The following RBFOX1 variants were observed in gnomAD, a reference collection of about 807,000 sequenced individuals.
RBFOX1 encodes the protein RNA binding protein fox-1 homolog 1.
In RBFOX1, 8 loss-of-function variants were observed where a neutral mutation model predicts 57.7. The ratio of observed to expected loss-of-function variants is 0.14; its 90% CI spans 0.08 to 0.25. The LOEUF (loss-of-function observed/expected upper bound fraction) is 0.25, where lower values mean the gene tolerates loss of function less well. RBFOX1 is among the 10% of genes least tolerant of loss of function. The pLI, the probability that RBFOX1 is intolerant of heterozygous loss-of-function variation, is 1.00. For missense variants in RBFOX1, 611 were observed against 548.5 expected (o/e 1.11, Z -1.14); for synonymous variants, 326 against 222.4 (o/e 1.47, Z -4.15).
intron 2 of RBFOX1, among the ~76,000 whole-genome samples, chr16:5,589,791 G>A (rs994245511): frequency 1.3e-5 from 2 of 152,170 alleles, no homozygotes; most frequent in Middle Eastern, 3.2e-3. Flanking sequence ...CAGCCACCCA[G>A]ACAGACTCCT....
intron 1 of RBFOX1, among the ~76,000 whole-genome samples, chr16:6,118,027 T>C (rs2096515932): frequency 6.6e-6 from 1 of 152,244 alleles, no homozygotes; most frequent in Admixed American, 6.5e-5. Flanking sequence ...TTTTTTGAGA[T>C]AATTTTGCAC....
At chr16:7,553,472 A>G (rs2152565162) in intron 5 of RBFOX1, among the ~76,000 whole-genome samples, 2 of 152,338 alleles carry the variant, frequency 1.3e-5, no homozygotes, top group Middle Eastern at 6.8e-3. Context: ...AAAGTGGTAT[A>G]CATAGCCTAA....
At chr16:7,574,134 A>C (rs2152798662) in intron 5 of RBFOX1, among the ~76,000 whole-genome samples, 1 of 152,320 alleles carries the variant, frequency 6.6e-6, no homozygotes, top group South Asian at 2.1e-4. Context: ...TACAGGCAGC[A>C]TGTCTGTCCT....
At chr16:6,271,406 G>C (rs892277334) in intron 1 of RBFOX1, among the ~76,000 whole-genome samples, 4 of 151,964 alleles carry the variant, frequency 2.6e-5, no homozygotes, top group Non-Finnish European at 5.9e-5. Context: ...TGGAGCGACA[G>C]AGCAAGACCC....
chr16:6,839,243 C>A (rs868700122), intron 3 of RBFOX1, among the ~76,000 whole-genome samples: 3 of 152,266 alleles, frequency 2.0e-5, no homozygotes, highest in East Asian at 1.9e-4. Flanking sequence ...CCTCAGCCCC[C>A]CAAAGTGCTG....
At chr16:5,871,520 G>T (rs879633600) in intron 4 of RBFOX1, among the ~76,000 whole-genome samples, 1 of 152,122 alleles carries the variant, frequency 6.6e-6, no homozygotes, top group African/African-American at 2.4e-5. Context: ...TCGCAAAAAC[G>T]CATACACATT....
At chr16:5,369,061 G>A (rs1475691330) in intron 1 of RBFOX1, among the ~76,000 whole-genome samples, 1 of 152,188 alleles carries the variant, frequency 6.6e-6, no homozygotes, top group Admixed American at 6.5e-5. Flanking sequence ...GAGTGCAGTG[G>A]CGCCATCTTG....
chr16:7,554,925 G>A (rs1161065153), intron 5 of RBFOX1, among the ~76,000 whole-genome samples: 2 of 152,130 alleles, frequency 1.3e-5, no homozygotes, highest in Admixed American at 1.3e-4. Flanking sequence ...GGGACAATTA[G>A]CATTCGTAGT....
intron 3 of RBFOX1, among the ~76,000 whole-genome samples, chr16:6,827,589 C>T (rs1157838670): frequency 6.6e-6 from 1 of 152,150 alleles, no homozygotes; most frequent in East Asian, 1.9e-4. Flanking sequence ...TCTCAGAGGG[C>T]CAGTCTCAGA....
At chr16:5,290,781 C>T (rs1449361291) in intron 1 of RBFOX1, among the ~76,000 whole-genome samples, 1 of 151,788 alleles carries the variant, frequency 6.6e-6, no homozygotes, top group African/African-American at 2.4e-5. Flanking sequence ...TCACTGCAAC[C>T]TCTGCCTCCC....
intron 4 of RBFOX1, among the ~76,000 whole-genome samples, chr16:7,340,120 G>A (rs1200216865): frequency 6.6e-6 from 1 of 152,208 alleles, no homozygotes; most frequent in African/African-American, 2.4e-5. Flanking sequence ...GAGCCAGAGG[G>A]CAGGGTCAGC....
At chr16:6,359,924 A>T (rs2088122320) in intron 2 of RBFOX1, among the ~76,000 whole-genome samples, 1 of 152,216 alleles carries the variant, frequency 6.6e-6, no homozygotes, top group Non-Finnish European at 1.5e-5. Context: ...AGATCATTAA[A>T]TTAATGGGAT....
intron 2 of RBFOX1, among the ~76,000 whole-genome samples, chr16:6,558,887 C>T (rs1206499580): frequency 6.7e-6 from 1 of 150,064 alleles, no homozygotes; most frequent in African/African-American, 2.4e-5. Flanking sequence ...TGTGAGCATT[C>T]TGCTCCCTCT....
At chr16:5,639,923 C>G (rs1277466148) in intron 3 of RBFOX1, among the ~76,000 whole-genome samples, 1 of 152,200 alleles carries the variant, frequency 6.6e-6, no homozygotes, top group Non-Finnish European at 1.5e-5. Flanking sequence ...TTGTGCTAAC[C>G]AGGCAAGCTG....
At chr16:6,219,377 G>C (rs1227487547) in intron 1 of RBFOX1, among the ~76,000 whole-genome samples, 1 of 152,198 alleles carries the variant, frequency 6.6e-6, no homozygotes, top group African/African-American at 2.4e-5. Context: ...AGGTCCAGGA[G>C]GTCGAGGCTG....
intron 2 of RBFOX1, chr16:6,576,953 C>T (rs780602021): frequency 1.3e-5 from 2 of 152,224 alleles, no homozygotes; most frequent in Non-Finnish European, 2.9e-5. Flanking sequence ...TCTAGGGATA[C>T]ATTTCCAGCC....
intron 3 of RBFOX1, among the ~76,000 whole-genome samples, chr16:7,007,626 A>G (rs1053329587): frequency 5.9e-5 from 9 of 152,178 alleles, no homozygotes; most frequent in Non-Finnish European, 1.0e-4. Context: ...CATTCTTTCA[A>G]TGTAAATGTA....
At chr16:6,676,530 G>C (rs1363247924) in intron 3 of RBFOX1, among the ~76,000 whole-genome samples, 2 of 152,002 alleles carry the variant, frequency 1.3e-5, no homozygotes, top group South Asian at 2.1e-4. Flanking sequence ...CACATTCTAT[G>C]CATATAATCC....
chr16:6,337,791 C>G (rs1015386794), intron 2 of RBFOX1, among the ~76,000 whole-genome samples: 2 of 152,154 alleles, frequency 1.3e-5, no homozygotes, highest in Non-Finnish European at 2.9e-5. Context: ...GAAAATTTTT[C>G]CACGTTGAGA....
Sources: allele counts gnomAD v4.1 joint callset (sites outside exome capture counted in the v4.1 genomes callset), GRCh38; gene constraint gnomAD v4.1.1; transcripts MANE v1.5; gene names NCBI Gene and HGNC (gene_info 2026-07-23, HGNC 2026-07-21).